The following LAMA2 variants were observed in gnomAD, a reference collection of about 807,000 sequenced individuals.
LAMA2 encodes laminin subunit alpha-2.
In LAMA2, 269 loss-of-function variants were observed where a neutral mutation model predicts 364.8. The ratio of observed to expected loss-of-function variants is 0.74; its 90% CI spans 0.67 to 0.82. The LOEUF (loss-of-function observed/expected upper bound fraction) is 0.82, where lower values mean the gene tolerates loss of function less well. Among genes scored for constraint, LAMA2 ranks in the 40% least tolerant of loss-of-function variants. The pLI is 0.00. For missense variants in LAMA2, 3,807 were observed against 3,873.2 expected (o/e 0.98, Z 0.45); for synonymous variants, 1,379 against 1,370.6 (o/e 1.01, Z -0.14).
chr6:129,288,885 C>G (rs1233275644), intron 19 of LAMA2, among the ~76,000 whole-genome samples: 4 of 152,134 alleles, frequency 2.6e-5, no homozygotes, highest in Non-Finnish European at 5.9e-5. Context: ...GGTTATGAGA[C>G]CAGCCTATCC....
intron 4 of LAMA2, among the ~76,000 whole-genome samples, chr6:129,120,023 C>T (rs1776712902): frequency 6.6e-6 from 1 of 152,120 alleles, no homozygotes; most frequent in Non-Finnish European, 1.5e-5. Flanking sequence ...ATTTCTAGCA[C>T]GTGTATACTA....
intron 58 of LAMA2, among the ~76,000 whole-genome samples, chr6:129,498,948 G>A (rs984975713): frequency 1.3e-4 from 20 of 152,114 alleles, no homozygotes; most frequent in Non-Finnish European, 2.5e-4. Context: ...GGGTGAAAAC[G>A]TTTTGGCCCC....
At chr6:129,084,494 T>A (rs1774257098) in intron 3 of LAMA2, among the ~76,000 whole-genome samples, 2 of 152,156 alleles carry the variant, frequency 1.3e-5, no homozygotes, top group African/African-American at 4.8e-5. Flanking sequence ...TATTCTAATT[T>A]TGAAGTTTCT....
At position 129,227,164 on chromosome 6, in the gene LAMA2, C is replaced by T. The variant is rs563500899; in HGVS notation, c.1783-22948C>T. Among the ~76,000 whole-genome samples, 3 of 152,280 alleles carry T rather than the reference C, an allele frequency of 2.0e-5. No individual in the cohort carries two copies. The East Asian group carries it at 5.8e-4, about 29-fold the overall frequency. On this transcript the variant is annotated intron_variant, in intron 12 of 64. Coordinates refer to ENST00000421865, the MANE Select transcript of LAMA2 (RefSeq NM_000426.4). ...TGCATTTGTCAGGTACTTCTCGTGC[C>T]ATAGTTTTCAGCTCCATCAGGTCAT...
At chr6:129,473,540 C>T (rs1783919713) in intron 52 of LAMA2, among the ~76,000 whole-genome samples, 188 bp downstream of exon 52, 1 of 152,054 alleles carries the variant, frequency 6.6e-6, no homozygotes, top group Non-Finnish European at 1.5e-5. Context: ...ACTAATTTGA[C>T]ATCTTTGTTG....
chr6:129,129,229 G>A (rs1330231615), intron 4 of LAMA2, among the ~76,000 whole-genome samples: 2 of 152,160 alleles, frequency 1.3e-5, no homozygotes, highest in Non-Finnish European at 2.9e-5. Flanking sequence ...GAAAAACACA[G>A]GAGTATTAAA....
intron 28 of LAMA2, among the ~76,000 whole-genome samples, chr6:129,326,670 T>A (rs1775306087): frequency 6.8e-6 from 1 of 147,396 alleles, no homozygotes; most frequent in Non-Finnish European, 1.5e-5. Flanking sequence ...CTAGCAAGTA[T>A]GTCAATAACA....
intron 1 of LAMA2, among the ~76,000 whole-genome samples, chr6:128,962,712 G>A (rs1781610855): frequency 1.3e-5 from 2 of 152,178 alleles, no homozygotes; most frequent in South Asian, 4.1e-4. Context: ...ATATGATGTG[G>A]ACCTCTGGGT....
At position 129,098,324 on chromosome 6, in the gene LAMA2, A is replaced by G. The variant is rs1775309975; in HGVS notation, c.548A>G (p.Tyr183Cys). ...DTECLTLYNIYPRTGPPSYAK... is the reference protein window; with the variant it reads ...DTECLTLYNICPRTGPPSYAK... Reference sequence around the variant, plus strand: ...GAGTGCCTAACGCTTTACAATATTTATCCCCGCACTGGGCCACCGTCATAT... The same window carrying G: ...GAGTGCCTAACGCTTTACAATATTTGTCCCCGCACTGGGCCACCGTCATAT... The change falls in exon 4 of 65, where the codon TAT (tyrosine) becomes TGT (cysteine). Residue 183 changes from tyrosine (Y) to cysteine (C), a missense_variant. Physicochemically the swap from Tyr to Cys is radical, Grantham distance 194 (BLOSUM62 -2). This residue lies in a region of LAMA2 where 394 missense variants were observed against 403.5 expected (regional missense o/e 0.98). Coordinates refer to ENST00000421865, the MANE Select transcript of LAMA2 (RefSeq NM_000426.4). The G allele has an allele frequency of 6.2e-7, 1 of 1,613,930 alleles. No homozygotes were observed. Among genetic ancestry groups the G allele is most frequent in the Non-Finnish European group, 8.5e-7 (1 of 1,180,000 alleles).
intron 1 of LAMA2, among the ~76,000 whole-genome samples, chr6:128,969,309 A>T (rs924553726): frequency 6.6e-6 from 1 of 152,206 alleles, no homozygotes; most frequent in Non-Finnish European, 1.5e-5. Flanking sequence ...TACCACTAAC[A>T]TTCCAATTTC....
At chr6:128,986,568 A>C (rs1159959388) in intron 1 of LAMA2, among the ~76,000 whole-genome samples, 2 of 152,134 alleles carry the variant, frequency 1.3e-5, no homozygotes, top group African/African-American at 4.8e-5. Context: ...GATTCCTAAT[A>C]ACTTATTTGC....
intron 1 of LAMA2, among the ~76,000 whole-genome samples, chr6:129,012,348 C>T (rs1784816259): frequency 6.6e-6 from 1 of 152,024 alleles, no homozygotes; most frequent in Admixed American, 6.6e-5. Context: ...TATTTAGAAC[C>T]ACTTACCCCA....
At chr6:129,360,835 G>A (rs192233342) in intron 32 of LAMA2, among the ~76,000 whole-genome samples, 56 of 152,254 alleles carry the variant, frequency 3.7e-4, no homozygotes, top group Non-Finnish European at 5.0e-4. Context: ...CTAGTACACC[G>A]TAGCATATTA....
At chr6:129,250,774 T>G (rs1365505704) in intron 13 of LAMA2, among the ~76,000 whole-genome samples, 3 of 152,154 alleles carry the variant, frequency 2.0e-5, no homozygotes, top group Non-Finnish European at 4.4e-5. Flanking sequence ...TCTTATCATA[T>G]CCATTCTTTC....
intron 32 of LAMA2, among the ~76,000 whole-genome samples, chr6:129,360,116 G>A (rs1197301226): frequency 1.3e-5 from 2 of 152,048 alleles, no homozygotes; most frequent in East Asian, 3.8e-4. Context: ...ATTTCACTTT[G>A]TAACCTTATT....
chr6:129,442,297 A>G (rs1466889112), intron 43 of LAMA2: 2 of 1,031,086 alleles, frequency 1.9e-6, no homozygotes, highest in African/African-American at 3.4e-5. Flanking sequence ...AAGAGTACAA[A>G]CACATATAAC....
rs367622987 is a variant in LAMA2 at position 128,883,258 on chromosome 6, G to A, written c.13G>A (p.Ala5Thr). The change falls in exon 1 of 65, where the codon GCC (alanine) becomes ACC (threonine). Residue 5 changes from alanine to threonine, a missense_variant. This residue lies in a region of LAMA2 where 394 missense variants were observed against 403.5 expected (regional missense o/e 0.98). Coordinates refer to ENST00000421865, the MANE Select transcript of LAMA2 (RefSeq NM_000426.4). ...CGCGGCCACTACGATGCCGGGAGCC[G>A]CCGGGGTCCTCCTCCTTCTGCTGCT... The part of the protein sequence containing the change: MPGA[A>T]GVLLLLLLSG... 176 of 1,555,746 alleles carry A rather than the reference G, an allele frequency of 1.1e-4. No homozygotes were observed. The highest frequency in any genetic ancestry group is 1.7e-4 in the Middle Eastern group (1 of 6,020).
intron 1 of LAMA2, among the ~76,000 whole-genome samples, chr6:129,023,055 T>A (rs1427314483): frequency 6.6e-6 from 1 of 152,166 alleles, no homozygotes; most frequent in Non-Finnish European, 1.5e-5. Context: ...TTGCTTTTTT[T>A]AAACAAAAAT....
In LAMA2 at chr6:128,911,482, C is replaced by CA. The variant is rs1339787496; in HGVS notation, c.112+28126dup. On this transcript the variant is annotated intron_variant, in intron 1 of 64. Transcript: ENST00000421865. ...GCGCTTCCCGAGTGAGGCAATGCCT[C>CA]ACCCTGCTTCGGCTCACGCACGGTG... Among the ~76,000 whole-genome samples, 7 of 152,276 alleles carry CA rather than the reference C, an allele frequency of 4.6e-5. No homozygotes were observed. In the East Asian group the frequency reaches 1.4e-3, roughly 30 times the overall value.
Sources: gnomAD v4.1 joint callset for allele counts (sites outside exome capture counted in the v4.1 genomes callset) on GRCh38, gnomAD v4.1.1 for gene constraint, gnomAD v4.1.1 regional missense constraint, MANE v1.5 for transcripts, NCBI Gene and HGNC (gene_info 2026-07-23, HGNC 2026-07-21) for gene names.